The following HDX variants were observed in gnomAD, a reference collection of about 807,000 sequenced individuals.
HDX encodes the protein chromosome X open reading frame 43.
HDX carries 19 observed loss-of-function variants against 45.2 expected under a neutral mutation model. That is an observed-to-expected ratio of 0.42 (90% CI 0.29 to 0.62). The LOEUF (loss-of-function observed/expected upper bound fraction) is 0.62. Ranked by LOEUF, HDX falls within the 20% of genes least tolerant of loss-of-function variation. The pLI, the probability that HDX is intolerant of heterozygous loss-of-function variation, is 0.20. For synonymous variants in HDX, 188 were observed against 172.8 expected, an observed-to-expected ratio of 1.09 and a Z score of -0.69; for missense variants, 532 against 493.9, an observed-to-expected ratio of 1.08 and a Z score of -0.73.
At chrX:84,466,388 C>T (rs2040353278) in intron 4 of HDX, among the ~76,000 whole-genome samples, 1 of 111,547 alleles carries the variant, frequency 9.0e-6, no homozygotes, top group Non-Finnish European at 1.9e-5. Context: ...AGAGGATAAG[C>T]CACTGGCTAT....
rs143410457 is a variant in HDX, at chrX:84,349,827, A to C, written c.1453-5370T>G. Among the ~76,000 whole-genome samples, 44 of 109,157 alleles carry C rather than the reference A, an allele frequency of 4.0e-4. 2 individuals carry two copies. The East Asian group carries it at 0.01, about 25-fold the overall frequency. 94.8% of individuals were successfully genotyped at this position (109,157 alleles called of 115,157 possible). A position where few individuals can be genotyped will look rare whatever the true frequency, so the allele number is the denominator to read the frequency against. On this transcript the variant is annotated intron_variant, in intron 6 of 10. Transcript: ENST00000373177. The stretch of plus-strand genomic sequence containing the variant: ...AATAACTCAAACAGAAAGTCAAATA[A>C]CACATGATATCACTTGTAAGTGGGT...
intron 4 of HDX, among the ~76,000 whole-genome samples, chrX:84,450,376 A>C (rs978731789): frequency 6.3e-5 from 7 of 111,853 alleles, no homozygotes; most frequent in African/African-American, 2.3e-4. Flanking sequence ...AAATGAAAAC[A>C]AAACAAGAGC....
At chrX:84,371,030 C>A (rs972719564) in intron 5 of HDX, among the ~76,000 whole-genome samples, 4 of 112,125 alleles carry the variant, frequency 3.6e-5, no homozygotes, top group Non-Finnish European at 7.5e-5. Context: ...CATATATGTA[C>A]AACACTTCTA....
At chrX:84,323,358 G>A (rs950465800) in intron 10 of HDX, among the ~76,000 whole-genome samples, 1 of 110,823 alleles carries the variant, frequency 9.0e-6, no homozygotes, top group African/African-American at 3.3e-5. Flanking sequence ...CAGTGCAATG[G>A]GGTCTTTTCT....
intron 4 of HDX, among the ~76,000 whole-genome samples, chrX:84,445,277 C>T (rs900157853): frequency 1.8e-5 from 2 of 111,471 alleles, no homozygotes; most frequent in African/African-American, 3.3e-5. Flanking sequence ...TTAAATGAAG[C>T]AATCAAGAAA....
At chrX:84,440,705 C>A in intron 4 of HDX, 120 bp from the exon 5 acceptor site, 1 of 444,454 alleles carries the variant, frequency 2.2e-6, no homozygotes, top group South Asian at 4.1e-5. Context: ...ACATATTCCC[C>A]ACGTATAAAA....
chrX:84,450,513 C>A (rs1163025317), intron 4 of HDX, among the ~76,000 whole-genome samples: 1 of 111,486 alleles, frequency 9.0e-6, no homozygotes, highest in African/African-American at 3.3e-5. Flanking sequence ...AGCATATATG[C>A]CCCCAACACC....
chrX:84,388,838 G>A (rs768339901), intron 5 of HDX, among the ~76,000 whole-genome samples: 5 of 111,873 alleles, frequency 4.5e-5, no homozygotes, highest in African/African-American at 1.6e-4. Flanking sequence ...CCATTGCTGG[G>A]GAGCTAGTGG....
intron 5 of HDX, among the ~76,000 whole-genome samples, chrX:84,374,258 G>A (rs2037980794): frequency 9.0e-6 from 1 of 110,548 alleles, no homozygotes; most frequent in African/African-American, 3.3e-5. Flanking sequence ...TGAAATAAAG[G>A]AGGATACAAA....
At chrX:84,337,346 T>G (rs771631127) in intron 7 of HDX, among the ~76,000 whole-genome samples, 6 of 111,399 alleles carry the variant, frequency 5.4e-5, no homozygotes, top group Non-Finnish European at 1.1e-4. Context: ...AAATTTATTA[T>G]GCAAATATGT....
At chrX:84,409,820 T>A (rs1448907133) in intron 5 of HDX, among the ~76,000 whole-genome samples, 2 of 107,186 alleles carry the variant, frequency 1.9e-5, no homozygotes, top group East Asian at 3.0e-4. Context: ...CATGTATACA[T>A]AGGTAACAAA....
At chrX:84,406,084 C>A (rs2038812841) in intron 5 of HDX, among the ~76,000 whole-genome samples, 1 of 110,427 alleles carries the variant, frequency 9.1e-6, no homozygotes, top group African/African-American at 3.3e-5. Context: ...CTCAACAGAC[C>A]CTTTTAAACG....
chrX:84,439,133 G>C (rs1329894226), intron 5 of HDX, among the ~76,000 whole-genome samples: 1 of 111,196 alleles, frequency 9.0e-6, no homozygotes, highest in Non-Finnish European at 1.9e-5. Flanking sequence ...TTGTGGTTTT[G>C]ATTTGCATTT....
At chrX:84,436,104 A>C (rs1187021397) in intron 5 of HDX, among the ~76,000 whole-genome samples, 7 of 90,415 alleles carry the variant, frequency 7.7e-5, no homozygotes, top group Non-Finnish European at 1.3e-4. Context: ...AGCCATAAAA[A>C]ATGATGAGTT....
At chrX:84,463,742 C>T (rs2040287222) in intron 4 of HDX, among the ~76,000 whole-genome samples, 1 of 110,327 alleles carries the variant, frequency 9.1e-6, no homozygotes, top group Admixed American at 9.7e-5. Context: ...AAGTGAATGG[C>T]ACTTTGGAGG....
At chrX:84,352,136 A>G (rs780351837) in intron 6 of HDX, among the ~76,000 whole-genome samples, 1 of 112,551 alleles carries the variant, frequency 8.9e-6, no homozygotes, top group South Asian at 3.7e-4. Flanking sequence ...GTAAATAAAA[A>G]ACATGAATGA....
intron 10 of HDX, 50 bp downstream of exon 10, chrX:84,326,128 C>A (rs183284510): frequency 3.5e-4 from 398 of 1,151,599 alleles, no homozygotes; most frequent in Non-Finnish European, 4.2e-4. Context: ...TGTGACATAC[C>A]ATTTTTTGAC....
chrX:84,409,059 G>A (rs5922990), intron 5 of HDX, among the ~76,000 whole-genome samples: 27,091 of 109,884 alleles, frequency 0.25, 3,011 homozygotes, highest in Admixed American at 0.37. Context: ...AAAAGTGAGC[G>A]AAGGATATGA....
At chrX:84,463,355 A>T (rs773288630) in intron 4 of HDX, among the ~76,000 whole-genome samples, 34 of 111,194 alleles carry the variant, frequency 3.1e-4, no homozygotes, top group Non-Finnish European at 5.3e-4. Context: ...AAATGCCACG[A>T]TATTTAAAGT....
Sources: allele counts gnomAD v4.1 joint callset (sites outside exome capture counted in the v4.1 genomes callset), GRCh38; gene constraint gnomAD v4.1.1; transcripts MANE v1.5; gene names NCBI Gene and HGNC (gene_info 2026-07-23, HGNC 2026-07-21).